The following WDR41 variants were observed in gnomAD, a reference collection of about 807,000 sequenced individuals.
WDR41 encodes the protein WD repeat domain 41, also known as WD repeat-containing protein 41.
In WDR41, 63 loss-of-function variants were observed where a neutral mutation model predicts 69.3. The observed-to-expected ratio is 0.91, with a 90% CI of 0.74 to 1.12. WDR41 has a LOEUF of 1.12. Among genes scored for constraint, WDR41 ranks in the 50% most tolerant of loss-of-function variants. WDR41 has a pLI of 0.00. For synonymous variants in WDR41, 185 were observed against 192.1 expected (o/e 0.96, Z 0.31); for missense variants, 543 against 534.5 (o/e 1.02, Z -0.16).
At chr5:77,537,805 A>T (rs534883835) in intron 1 of WDR41, among the ~76,000 whole-genome samples, 1 of 152,358 alleles carries the variant, frequency 6.6e-6, no homozygotes, top group South Asian at 2.1e-4. Flanking sequence ...TGCTTCCAGC[A>T]TGCCTGGTAA....
At chr5:77,444,365 G>A (rs1799294043) in intron 8 of WDR41, among the ~76,000 whole-genome samples, 1 of 152,106 alleles carries the variant, frequency 6.6e-6, no homozygotes, top group East Asian at 1.9e-4. Flanking sequence ...ACAAGTACTA[G>A]TACTTCATGA....
At chr5:77,512,692 G>A (rs1028648007) in intron 1 of WDR41, among the ~76,000 whole-genome samples, 10 of 142,830 alleles carry the variant, frequency 7.0e-5, no homozygotes, top group Admixed American at 5.8e-4. Context: ...GTTGCAGTGA[G>A]CTGAGATCAC....
intron 9 of WDR41, 107 bp from the exon 10 acceptor site, chr5:77,438,468 A>G: frequency 6.8e-7 from 1 of 1,464,052 alleles, no homozygotes; most frequent in Non-Finnish European, 9.1e-7. Context: ...TACCTTTCCC[A>G]TTCCTAGCCT....
In WDR41 at chr5:77,433,394, G is replaced by C. The variant is rs567047140; in HGVS notation, c.1228-107C>G. The C allele has an allele frequency of 3.2e-5, 29 of 898,504 alleles. No individual in the cohort carries two copies. In the African/African-American group the frequency reaches 4.5e-4, roughly 14 times the overall value. 55.7% of individuals were successfully genotyped at this position (898,504 alleles called of 1,614,324 possible). A position where few individuals can be genotyped will look rare whatever the true frequency, so the allele number is the denominator to read the frequency against. ...AGATATGTGCCTTAAAGACTCCTTT[G>C]GATCTGGGTGTAGAACTTCATTTCA... On this transcript the variant is annotated intron_variant, in intron 12 of 12. Transcript: ENST00000296679.
intron 1 of WDR41, among the ~76,000 whole-genome samples, chr5:77,541,783 A>G (rs1473383759): frequency 6.6e-6 from 1 of 152,190 alleles, no homozygotes; most frequent in Admixed American, 6.5e-5. Flanking sequence ...ATGAGCAACC[A>G]CACCTGGCAG....
At chr5:77,587,113 C>T (rs944770491) in intron 1 of WDR41, among the ~76,000 whole-genome samples, 4 of 147,408 alleles carry the variant, frequency 2.7e-5, no homozygotes, top group African/African-American at 1.0e-4. Flanking sequence ...TCTCTTGCCC[C>T]TTCTCAGTGA....
chr5:77,490,977 T>A (rs891872307), intron 1 of WDR41, among the ~76,000 whole-genome samples: 1 of 152,250 alleles, frequency 6.6e-6, no homozygotes, highest in African/African-American at 2.4e-5. Context: ...ATACTTCTTA[T>A]GAGAAATAAA....
chr5:77,433,265 TG>T lies in WDR41; in HGVS notation c.1249del (p.His417MetfsTer3). 1 of 1,613,034 alleles carries T rather than the reference TG, an allele frequency of 6.2e-7. No homozygotes were observed. The highest frequency in any genetic ancestry group is 8.5e-7 in the Non-Finnish European group (1 of 1,179,732). ...ATCAGCGGAGCACGTCACTAGTCCA[TG>T]ATCTTCAAAGTATAGAAACATCTGT... ...SVEMFLYFED[H>X]GLVTCSADHL... On this transcript the variant is annotated frameshift_variant, in exon 13 of 13. Transcript: ENST00000296679. LOFTEE classifies it high-confidence loss of function.
intron 12 of WDR41, 133 bp from the exon 13 acceptor site, chr5:77,433,420 TTTTTCAG>T (rs1349005894): frequency 1.6e-6 from 1 of 612,700 alleles, no homozygotes; most frequent in Non-Finnish European, 2.5e-6. Context: ...CTTCATTTCA[TTTTTCAG>T]TATTGGTAAG....
chr5:77,543,176 C>T (rs1428967853), intron 1 of WDR41, among the ~76,000 whole-genome samples: 1 of 152,150 alleles, frequency 6.6e-6, no homozygotes, highest in Non-Finnish European at 1.5e-5. Flanking sequence ...CCTAGACCTT[C>T]CCTCTGACAG....
At chr5:77,608,847 G>A (rs1038693864) in intron 1 of WDR41, among the ~76,000 whole-genome samples, 57 of 152,242 alleles carry the variant, frequency 3.7e-4, no homozygotes, top group Non-Finnish European at 2.6e-4. Flanking sequence ...GAAGCAGGGC[G>A]AGGCATTGCC....
At chr5:77,525,306 T>G (rs1802429096) in intron 1 of WDR41, among the ~76,000 whole-genome samples, 1 of 152,260 alleles carries the variant, frequency 6.6e-6, no homozygotes, top group South Asian at 2.1e-4. Flanking sequence ...TTTATTTTAA[T>G]TCATTCATCC....
intron 6 of WDR41, chr5:77,452,545 C>T (rs2151306569): frequency 6.6e-6 from 1 of 152,254 alleles, no homozygotes; most frequent in South Asian, 2.1e-4. Context: ...TGTAAAAGCT[C>T]CACCAGTCCA....
chr5:77,507,735 G>T (rs1005111173), intron 1 of WDR41, among the ~76,000 whole-genome samples: 2 of 152,118 alleles, frequency 1.3e-5, no homozygotes, highest in Non-Finnish European at 1.5e-5. Context: ...ACTAGGTATG[G>T]ATCTCTTTGT....
chr5:77,439,182 T>C (rs778628447), intron 9 of WDR41, among the ~76,000 whole-genome samples: 16 of 152,200 alleles, frequency 1.1e-4, no homozygotes, highest in Non-Finnish European at 2.2e-4. Flanking sequence ...CCTAGAATCA[T>C]CCATTCTTAC....
chr5:77,452,408 T>C (rs1339951876), intron 6 of WDR41: 1 of 152,230 alleles, frequency 6.6e-6, no homozygotes, highest in African/African-American at 2.4e-5. Flanking sequence ...AGCAACCTAA[T>C]ACTCAGAATC....
At chr5:77,570,713 CAGTT>C (rs905444215) in intron 1 of WDR41, among the ~76,000 whole-genome samples, 1 of 151,528 alleles carries the variant, frequency 6.6e-6, no homozygotes, top group Admixed American at 6.6e-5. Context: ...TTTAGATAGA[CAGTT>C]AGTTAAAGGC....
chr5:77,564,849 T>C (rs577803373), intron 1 of WDR41, among the ~76,000 whole-genome samples: 69 of 152,270 alleles, frequency 4.5e-4, no homozygotes, highest in African/African-American at 1.6e-3. Context: ...ATAATGTATT[T>C]CAAACTATCT....
At chr5:77,466,497 G>T (rs543338416) in intron 2 of WDR41, among the ~76,000 whole-genome samples, 1 of 151,908 alleles carries the variant, frequency 6.6e-6, no homozygotes, top group African/African-American at 2.4e-5. Flanking sequence ...ATTGCATTTA[G>T]AAGACAGCAA....
Sources: allele counts gnomAD v4.1 joint callset (sites outside exome capture counted in the v4.1 genomes callset), GRCh38; gene constraint gnomAD v4.1.1; transcripts MANE v1.5; gene names NCBI Gene and HGNC (gene_info 2026-07-23, HGNC 2026-07-21).